Variants in TMEM79 observed in about 807,000 individuals in gnomAD.
TMEM79 encodes transmembrane protein 79.
In TMEM79, 30 loss-of-function variants were observed where a neutral mutation model predicts 31.2. The observed-to-expected ratio is 0.96, with a 90% CI of 0.72 to 1.30. TMEM79 has a LOEUF of 1.30. Ranked by LOEUF, TMEM79 falls within the 50% of genes most tolerant of loss-of-function variation. TMEM79 has a pLI of 0.00. For missense variants in TMEM79, 509 were observed against 528.2 expected (o/e 0.96, Z 0.36); for synonymous variants, 213 against 229.5 (o/e 0.93, Z 0.65).
intron 1 of TMEM79, 140 bp from the exon 2 acceptor site, chr1:156,285,044 C>G: frequency 1.8e-6 from 1 of 564,868 alleles, no homozygotes; most frequent in Non-Finnish European, 2.8e-6. Flanking sequence ...GTGTCTTCCT[C>G]TGTACCACGT....
intron 3 of TMEM79, among the ~76,000 whole-genome samples, chr1:156,287,077 C>G (rs1259568100): frequency 1.3e-5 from 2 of 151,840 alleles, no homozygotes; most frequent in African/African-American, 4.8e-5. Context: ...GACACAAGAT[C>G]GTGTCACTGT....
Position 156,285,059 on chromosome 1 carries a change from C to G in TMEM79, c.-43-125C>G, listed in dbSNP as rs1323934223. 3 of 686,978 alleles carry G rather than the reference C, an allele frequency of 4.4e-6. No homozygotes were observed. In the African/African-American group the frequency reaches 5.5e-5, roughly 13 times the overall value. The allele number at this position is 686,978 out of a possible 1,614,324, so 42.6% of individuals were successfully genotyped here. On this transcript the variant is annotated intron_variant, in intron 1 of 3. Transcript: ENST00000405535. ...GTGTCTTCCTCTGTACCACGTTCTC[C>G]CTAAGGCTCCAGAAGGGGCCAAAAC...
chr1:156,291,455 C>T lies in TMEM79; in HGVS notation c.1042C>T (p.Pro348Ser), dbSNP rs867304158. 7.4e-6 allele frequency: 12 copies of T among 1,613,800 alleles called. No homozygotes were observed. The African/African-American group carries it at 1.5e-4, about 20-fold the overall frequency. Reference sequence around the variant, plus strand: ...CTTCGGCTACGGCCTGACGTTTCTGCCACTGCTGTCGATGCTGATGTGGAA... The same window carrying T: ...CTTCGGCTACGGCCTGACGTTTCTGTCACTGCTGTCGATGCTGATGTGGAA... ...RGFGYGLTFL[P>S]LLSMLMWNLY... Residue 348 changes from proline to serine, a missense_variant, in exon 4 of 4, where the codon CCA (proline) becomes TCA (serine). Transcript: ENST00000405535.
In TMEM79 at chr1:156,286,402, G is replaced by C. The variant is rs762642248; in HGVS notation, c.900G>C (p.Val300=). ...LFILYFFNLA[V]LSTYLPQDTL... ...TTCTCTACTTCTTCAACCTGGCCGT[G>C]CTTTCCACTTACCTGCCCCAGGATA... Residue 300 remains valine (V), a synonymous_variant, in exon 3 of 4, where the codon GTG becomes GTC. Coordinates refer to ENST00000405535, the MANE Select transcript of TMEM79 (RefSeq NM_032323.3). The C allele has an allele frequency of 3.7e-6, 6 of 1,614,088 alleles. No homozygotes were observed. In the African/African-American group the frequency reaches 4.0e-5, roughly 11 times the overall value.
chr1:156,287,626 T>C (rs1318925831), intron 3 of TMEM79, among the ~76,000 whole-genome samples: 2 of 147,518 alleles, frequency 1.4e-5, no homozygotes, highest in Non-Finnish European at 3.0e-5. Flanking sequence ...TTTTTTTTTT[T>C]TTTTTGAGAC....
intron 3 of TMEM79, among the ~76,000 whole-genome samples, chr1:156,289,694 C>T (rs948448348): frequency 6.6e-6 from 1 of 152,232 alleles, no homozygotes; most frequent in African/African-American, 2.4e-5. Flanking sequence ...AGAGAAGCAG[C>T]AGTTACTCTT....
rs1173686949 is a variant in TMEM79 at position 156,291,438 on chromosome 1, A to G, written c.1025A>G (p.Tyr342Cys). 1 of 1,613,704 alleles carries G rather than the reference A, an allele frequency of 6.2e-7. No individual in the cohort carries two copies. Among genetic ancestry groups the G allele is most frequent in the African/African-American group, 1.3e-5 (1 of 74,898 alleles). Residue 342 changes from tyrosine (Y) to cysteine (C), a missense_variant, in exon 4 of 4, where the codon TAC becomes TGC. Transcript: ENST00000405535. The stretch of plus-strand genomic sequence containing the variant: ...GGCCGCTCCTTCCGAGGCTTCGGCT[A>G]CGGCCTGACGTTTCTGCCACTGCTG... Reference protein sequence around the residue: ...AVGRSFRGFGYGLTFLPLLSM... With the variant: ...AVGRSFRGFGCGLTFLPLLSM...
intron 2 of TMEM79, 115 bp downstream of exon 2, chr1:156,286,098 C>G: frequency 6.8e-7 from 1 of 1,461,684 alleles, no homozygotes; most frequent in African/African-American, 1.4e-5. Context: ...CTCAGGGTCT[C>G]CCACCCCCTG....
chr1:156,287,348 G>A (rs1453604203), intron 3 of TMEM79, among the ~76,000 whole-genome samples: 5 of 152,080 alleles, frequency 3.3e-5, no homozygotes, highest in African/African-American at 9.7e-5. Context: ...CCTGGGAGGC[G>A]GAGGTTGCAG....
intron 3 of TMEM79, 120 bp from the exon 4 acceptor site, chr1:156,291,265 A>T (rs909483515): frequency 1.2e-6 from 1 of 815,616 alleles, no homozygotes; most frequent in African/African-American, 1.7e-5. Flanking sequence ...ATTTGGAAGT[A>T]CCAGCCATAC....
In TMEM79 at chr1:156,285,250, C is replaced by A; in HGVS notation, c.24C>A (p.Ala8=). MTEQETL[A]LLEVKRSDSP... Reference sequence around the variant, plus strand: ...GGATGACAGAACAGGAGACCCTGGCCCTACTGGAAGTGAAGAGGTCTGATT... The same window carrying A: ...GGATGACAGAACAGGAGACCCTGGCACTACTGGAAGTGAAGAGGTCTGATT... The change falls in exon 2 of 4, where the codon GCC becomes GCA. Residue 8 remains alanine (A), a synonymous_variant. Transcript: ENST00000405535. 1 of 1,547,728 alleles carries A rather than the reference C, an allele frequency of 6.5e-7. No homozygotes were observed. Among genetic ancestry groups the A allele is most frequent in the Non-Finnish European group, 8.7e-7 (1 of 1,151,796 alleles).
Position 156,285,140 on chromosome 1 carries a change from A to G in TMEM79, c.-43-44A>G, listed in dbSNP as rs766010783. Reference sequence around the variant, plus strand: ...GTTCTGTCAACCTGTCCTAATAACTAGAAGACAGGGGTTTCTGACAGAGCT... The same window carrying G: ...GTTCTGTCAACCTGTCCTAATAACTGGAAGACAGGGGTTTCTGACAGAGCT... On this transcript the variant is annotated intron_variant, in intron 1 of 3. Transcript: ENST00000405535. The G allele has an allele frequency of 2.4e-5, 35 of 1,471,514 alleles. No homozygotes were observed. The Middle Eastern group carries it at 2.0e-3, about 84-fold the overall frequency. The allele number at this position is 1,471,514 out of a possible 1,614,324, so 91.2% of individuals were successfully genotyped here. A position where few individuals can be genotyped will look rare whatever the true frequency, so the allele number is the denominator to read the frequency against.
At chr1:156,283,649 T>A (rs970301871), upstream of TMEM79, among the ~76,000 whole-genome samples, 1 of 152,234 alleles carries the variant, frequency 6.6e-6, no homozygotes, top group Non-Finnish European at 1.5e-5. Context: ...TTGTTGTTTT[T>A]GCCTGTGTAT....
rs1415028800 is a variant in TMEM79, at chr1:156,285,257, G to C, written c.31G>C (p.Glu11Gln). 5 of 1,553,116 alleles carry C rather than the reference G, an allele frequency of 3.2e-6. No individual in the cohort carries two copies. The South Asian group carries it at 6.2e-5, about 19-fold the overall frequency. Residue 11 changes from glutamate (E) to glutamine (Q), a missense_variant, in exon 2 of 4, where the codon GAA becomes CAA. Transcript: ENST00000405535. The part of the protein sequence containing the change: MTEQETLALL[E>Q]VKRSDSPEKS... ...AGAACAGGAGACCCTGGCCCTACTGGAAGTGAAGAGGTCTGATTCCCCAGA... is the reference window on the plus strand; with the variant it reads ...AGAACAGGAGACCCTGGCCCTACTGCAAGTGAAGAGGTCTGATTCCCCAGA...
In TMEM79 at chr1:156,291,791, G is replaced by A. The variant is rs1015621283; in HGVS notation, c.*193G>A. 4.9e-6 allele frequency: 3 copies of A among 610,892 alleles called. No individual in the cohort carries two copies. The African/African-American group carries it at 5.5e-5, about 11-fold the overall frequency. 37.8% of individuals were successfully genotyped at this position (610,892 alleles called of 1,614,324 possible). A position where few individuals can be genotyped will look rare whatever the true frequency, so the allele number is the denominator to read the frequency against. On this transcript the variant is annotated 3_prime_UTR_variant, in exon 4 of 4. Coordinates refer to ENST00000405535, the MANE Select transcript of TMEM79 (RefSeq NM_032323.3). ...GAGCTGCCCTTCACCTTTGGGGCCCGAGACAGTCATAAGGGATGGACTTAG... is the reference window on the plus strand; with the variant it reads ...GAGCTGCCCTTCACCTTTGGGGCCCAAGACAGTCATAAGGGATGGACTTAG...
chr1:156,285,791 T>TGTGGAGACC lies in TMEM79; in HGVS notation c.566_567insTGGAGACCG (p.Gly190_Ser191insAspArgGly). On this transcript the variant is annotated inframe_insertion, in exon 2 of 4. Coordinates refer to ENST00000405535, the MANE Select transcript of TMEM79 (RefSeq NM_032323.3). Reference sequence around the variant, plus strand: ...GCCGCCTGGCTGTTCCTGTGGGGGCTGCGGGAGCTGTGGAGACCGTGAGTG... The same window carrying TGTGGAGACC: ...GCCGCCTGGCTGTTCCTGTGGGGGCTGTGGAGACCGCGGGAGCTGTGGAGACCGTGAGTG... The TGTGGAGACC allele has an allele frequency of 6.2e-7, 1 of 1,613,560 alleles. No homozygotes were observed. The highest frequency in any genetic ancestry group is 1.1e-5 in the South Asian group (1 of 91,068).
chr1:156,287,702 C>T (rs1663209123), intron 3 of TMEM79, among the ~76,000 whole-genome samples: 1 of 150,414 alleles, frequency 6.6e-6, no homozygotes, highest in African/African-American at 2.4e-5. Flanking sequence ...CTACAATCTC[C>T]ACCTACTGGG....
Position 156,285,565 on chromosome 1 carries a change from G to A in TMEM79, c.339G>A (p.Leu113=). 6.2e-7 allele frequency: 1 copy of A among 1,614,232 alleles called. No homozygotes were observed. The highest frequency in any genetic ancestry group is 8.5e-7 in the Non-Finnish European group (1 of 1,180,046). The change falls in exon 2 of 4, where the codon CTG becomes CTA. Residue 113 remains leucine (L), a synonymous_variant. Coordinates refer to ENST00000405535, the MANE Select transcript of TMEM79 (RefSeq NM_032323.3). ...AACCACTTACCAAGCTAGAGGAGCT[G>A]CCCGAAGACGATGCCAACCTGCTGC... ...ESEPLTKLEE[L]PEDDANLLPE...
At chr1:156,283,227 A>AG (rs1252555905), upstream of TMEM79, among the ~76,000 whole-genome samples, 1 of 152,202 alleles carries the variant, frequency 6.6e-6, no homozygotes, top group Non-Finnish European at 1.5e-5. Context: ...ACAAACAAAA[A>AG]GTGCATGTGA....
Sources: allele counts gnomAD v4.1 joint callset (sites outside exome capture counted in the v4.1 genomes callset), GRCh38; gene constraint gnomAD v4.1.1; transcripts MANE v1.5; gene names NCBI Gene and HGNC (gene_info 2026-07-23, HGNC 2026-07-21).